Variants in SLC8A1 observed in about 807,000 individuals in gnomAD.
The protein encoded by SLC8A1 is sodium/calcium exchanger 1.
In SLC8A1, 18 loss-of-function variants were observed where a neutral mutation model predicts 68.3. The ratio of observed to expected loss-of-function variants is 0.26; its 90% CI spans 0.18 to 0.39. SLC8A1 has a LOEUF of 0.39. Ranked by LOEUF, SLC8A1 falls within the 10% of genes least tolerant of loss-of-function variation. SLC8A1 has a pLI of 1.00. For missense variants in SLC8A1, 985 were observed against 1,156.7 expected (o/e 0.85, Z 2.15); for synonymous variants, 475 against 415.5 (o/e 1.14, Z -1.74).
At chr2:40,430,992 G>A (rs1349051914) in intron 1 of SLC8A1, among the ~76,000 whole-genome samples, 1 of 152,132 alleles carries the variant, frequency 6.6e-6, no homozygotes, top group Non-Finnish European at 1.5e-5. Context: ...CTGCTATAAT[G>A]CAATATTTCC....
At chr2:40,113,901 C>T (rs2034897297) in exon 8 of SLC8A1, 1 of 152,700 alleles carries the variant, frequency 6.5e-6, no homozygotes, top group Non-Finnish European at 1.5e-5. Flanking sequence ...GCCTGCTATC[C>T]TCTCAATAGC....
chr2:40,447,086 T>TA (rs1356643433), intron 1 of SLC8A1, among the ~76,000 whole-genome samples: 5 of 152,316 alleles, frequency 3.3e-5, no homozygotes, highest in African/African-American at 1.2e-4. Context: ...TCTGTCTTTT[T>TA]AAAAAAATTA....
intron 2 of SLC8A1, among the ~76,000 whole-genome samples, chr2:40,381,281 A>G (rs1490188416): frequency 6.6e-6 from 1 of 151,832 alleles, no homozygotes; most frequent in Non-Finnish European, 1.5e-5. Context: ...TACATGCTCC[A>G]CCCACCCACC....
chr2:40,328,867 A>C (rs1001615092), intron 2 of SLC8A1, among the ~76,000 whole-genome samples: 2 of 151,964 alleles, frequency 1.3e-5, no homozygotes. Flanking sequence ...CAGCCCCTTC[A>C]ATCTGTGGTC....
intron 2 of SLC8A1, among the ~76,000 whole-genome samples, chr2:40,221,481 A>G (rs1216671411): frequency 1.3e-5 from 2 of 152,196 alleles, no homozygotes; most frequent in Non-Finnish European, 2.9e-5. Flanking sequence ...CAAGACAAGG[A>G]TGCCCTCTCT....
At chr2:40,347,260 CA>C (rs1669656808) in intron 2 of SLC8A1, among the ~76,000 whole-genome samples, 1 of 152,230 alleles carries the variant, frequency 6.6e-6, no homozygotes, top group African/African-American at 2.4e-5. Flanking sequence ...CTTGGCCTCC[CA>C]AAGTGCTAGG....
At chr2:40,286,299 T>C (rs1321770921) in intron 2 of SLC8A1, among the ~76,000 whole-genome samples, 1 of 152,176 alleles carries the variant, frequency 6.6e-6, no homozygotes, top group African/African-American at 2.4e-5. Context: ...CAGCTGTTCC[T>C]TATTCAAGCT....
chr2:40,357,350 A>C (rs547077122), intron 2 of SLC8A1, among the ~76,000 whole-genome samples: 1 of 151,476 alleles, frequency 6.6e-6, no homozygotes, highest in Non-Finnish European at 1.5e-5. Flanking sequence ...TTTTTTAATT[A>C]GCCAAATGTG....
At chr2:40,422,540 C>A (rs932254755) in intron 2 of SLC8A1, among the ~76,000 whole-genome samples, 4 of 152,094 alleles carry the variant, frequency 2.6e-5, no homozygotes, top group Non-Finnish European at 5.9e-5. Context: ...GCAAAGAAAA[C>A]CTCTTCCCAT....
chr2:40,342,311 T>C (rs1667947575), intron 2 of SLC8A1, among the ~76,000 whole-genome samples: 1 of 152,202 alleles, frequency 6.6e-6, no homozygotes, highest in Non-Finnish European at 1.5e-5. Flanking sequence ...ACCATCTTAC[T>C]GGATCTCTAA....
At chr2:40,117,790 G>A (rs2035814276) in intron 7 of SLC8A1, among the ~76,000 whole-genome samples, 1 of 152,134 alleles carries the variant, frequency 6.6e-6, no homozygotes, top group Non-Finnish European at 1.5e-5. Flanking sequence ...CCCCTCTGTT[G>A]TTATGCTATT....
intron 2 of SLC8A1, among the ~76,000 whole-genome samples, chr2:40,237,113 G>A (rs575329610): frequency 1.3e-5 from 2 of 151,608 alleles, no homozygotes; most frequent in East Asian, 1.9e-4. Context: ...GAGTATCTTT[G>A]TGGCGTTCTC....
chr2:40,154,302 T>C (rs1329743831), intron 6 of SLC8A1, among the ~76,000 whole-genome samples: 9,580 of 72,842 alleles, frequency 0.13, 439 homozygotes, highest in Non-Finnish European at 0.16. Flanking sequence ...ATTTATTCTT[T>C]TTTTTTTTTT....
At chr2:40,189,470 G>A (rs1447622890) in intron 2 of SLC8A1, among the ~76,000 whole-genome samples, 2 of 152,030 alleles carry the variant, frequency 1.3e-5, no homozygotes, top group African/African-American at 4.8e-5. Context: ...ACAGAAGCAT[G>A]CCACCGCGCC....
intron 2 of SLC8A1, among the ~76,000 whole-genome samples, chr2:40,365,310 T>G (rs1675803241): frequency 6.6e-6 from 1 of 152,148 alleles, no homozygotes; most frequent in African/African-American, 2.4e-5. Context: ...ATATCATATT[T>G]TTATACTTAA....
chr2:40,143,666 T>C (rs981195693), intron 6 of SLC8A1, among the ~76,000 whole-genome samples: 5 of 152,206 alleles, frequency 3.3e-5, no homozygotes, highest in African/African-American at 9.6e-5. Flanking sequence ...TCAGTTCAGC[T>C]ATTGATGTAA....
chr2:40,429,918 C>T (rs534889906), exon 2 of SLC8A1: 3 of 1,613,366 alleles, frequency 1.9e-6, no homozygotes, highest in East Asian at 4.5e-5. Flanking sequence ...TCTTGGTGGT[C>T]TCTCCATTGG....
At chr2:40,481,068 A>G (rs1437847067) in intron 1 of SLC8A1, among the ~76,000 whole-genome samples, 1 of 152,240 alleles carries the variant, frequency 6.6e-6, no homozygotes, top group African/African-American at 2.4e-5. Flanking sequence ...ACAGGGCATC[A>G]GTCGCAAAGT....
intron 2 of SLC8A1, among the ~76,000 whole-genome samples, chr2:40,214,280 G>T (rs1270608985): frequency 6.6e-6 from 1 of 152,042 alleles, no homozygotes; most frequent in Non-Finnish European, 1.5e-5. Context: ...AGTCTGCTTT[G>T]CCCACAGAAA....
Sources: gnomAD v4.1 joint callset for allele counts (sites outside exome capture counted in the v4.1 genomes callset) on GRCh38, gnomAD v4.1.1 for gene constraint, MANE v1.5 for transcripts, NCBI Gene and HGNC (gene_info 2026-07-23, HGNC 2026-07-21) for gene names.